VTI1A: variants seen among roughly 807,000 people sequenced by gnomAD.
VTI1A encodes the protein vesicle transport through interaction with t-SNAREs 1A.
A neutral mutation model predicts 34.9 loss-of-function variants in VTI1A; 22 were observed. That is an observed-to-expected ratio of 0.63 (90% CI 0.45 to 0.90). The LOEUF (loss-of-function observed/expected upper bound fraction) is 0.90. Among genes scored for constraint, VTI1A ranks in the 40% least tolerant of loss-of-function variants. The pLI is 0.00. For missense variants in VTI1A, 268 were observed against 275.6 expected, an observed-to-expected ratio of 0.97 and a Z score of 0.20; for synonymous variants, 87 against 97.3, an observed-to-expected ratio of 0.89 and a Z score of 0.62.
intron 7 of VTI1A, among the ~76,000 whole-genome samples, chr10:112,707,606 A>C (rs1469144447): frequency 6.6e-6 from 1 of 152,214 alleles, no homozygotes; most frequent in African/African-American, 2.4e-5. Context: ...TGCTGGGATT[A>C]CAGGCTTGAG....
rs917937538 is a variant in VTI1A, at chr10:112,489,759, C to G, written c.264+25102C>G. On this transcript the variant is annotated intron_variant, in intron 3 of 7. Coordinates refer to ENST00000393077, the MANE Select transcript of VTI1A (RefSeq NM_145206.4). ...CAAATATGGATAACCAAGAGGTTGA[C>G]TTACATGTTGAAAGGGAGCAGCTGA... 2.0e-5 allele frequency among the ~76,000 whole-genome samples: 3 copies of G among 152,134 alleles called. No homozygotes were observed. The East Asian group carries it at 5.8e-4, about 29-fold the overall frequency.
At chr10:112,582,159 G>A (rs1388336009) in intron 5 of VTI1A, among the ~76,000 whole-genome samples, 1 of 152,118 alleles carries the variant, frequency 6.6e-6, no homozygotes, top group Admixed American at 6.5e-5. Flanking sequence ...CTCTCTTCCT[G>A]GCTTGCAGAT....
chr10:112,618,773 T>C (rs538307803), intron 5 of VTI1A, among the ~76,000 whole-genome samples: 62 of 152,118 alleles, frequency 4.1e-4, no homozygotes, highest in African/African-American at 1.5e-3. Context: ...TAGGCAGATA[T>C]CTAATTATTG....
chr10:112,454,886 T>C (rs1847379282), intron 1 of VTI1A, among the ~76,000 whole-genome samples: 1 of 152,084 alleles, frequency 6.6e-6, no homozygotes, highest in Non-Finnish European at 1.5e-5. Flanking sequence ...TCTGATCTTA[T>C]TTAATGGCTT....
chr10:112,669,005 G>A lies in VTI1A; in HGVS notation c.560+7G>A, dbSNP rs1847748948. On this transcript the variant is annotated splice_region_variant and intron_variant, in intron 7 of 7. Coordinates refer to ENST00000393077, the MANE Select transcript of VTI1A (RefSeq NM_145206.4). ...TGACAGGGATGTTGCGAAGGTAAGAGCAAGGTAGGGACATATCTTTCTCTC... is the reference window on the plus strand; with the variant it reads ...TGACAGGGATGTTGCGAAGGTAAGAACAAGGTAGGGACATATCTTTCTCTC... 1 of 1,611,974 alleles carries A rather than the reference G, an allele frequency of 6.2e-7. No homozygotes were observed. The highest frequency in any genetic ancestry group is 1.7e-5 in the Admixed American group (1 of 59,952).
intron 1 of VTI1A, among the ~76,000 whole-genome samples, chr10:112,451,757 C>A (rs1847247846): frequency 6.6e-6 from 1 of 152,156 alleles, no homozygotes; most frequent in South Asian, 2.1e-4. Flanking sequence ...TTCTCTCTTG[C>A]CTTTGCAAGG....
Position 112,464,677 on chromosome 10 carries a change from T to A in VTI1A, c.264+20T>A, listed in dbSNP as rs1345387234. 3.8e-6 allele frequency: 6 copies of A among 1,598,456 alleles called. No individual in the cohort carries two copies. Among genetic ancestry groups the A allele is most frequent in the Middle Eastern group, 3.3e-4 (2 of 6,050 alleles). On this transcript the variant is annotated intron_variant, in intron 3 of 7. Coordinates refer to ENST00000393077, the MANE Select transcript of VTI1A (RefSeq NM_145206.4). ...GATTTTGTGAGTCAAATTCGACCCT[T>A]TGTCATATTTACTTTTTTTTAAAAA...
chr10:112,622,741 A>G (rs1043511675), intron 5 of VTI1A, among the ~76,000 whole-genome samples: 9 of 152,202 alleles, frequency 5.9e-5, no homozygotes, highest in Non-Finnish European at 1.3e-4. Flanking sequence ...CCAAATAGCT[A>G]TACTTTCCAG....
At position 112,760,366 on chromosome 10, in the gene VTI1A, G is replaced by A. The variant is rs188289301; in HGVS notation, c.561-54924G>A. 4.1e-5 allele frequency among the ~76,000 whole-genome samples: 6 copies of A among 148,034 alleles called. No homozygotes were observed. In the East Asian group the frequency reaches 8.2e-4, roughly 20 times the overall value. ...AACAATATACTGTAATAAAAATTCG[G>A]TGAATATGGTCTCTCTCTCTCTCTC... On this transcript the variant is annotated intron_variant, in intron 7 of 7. Coordinates refer to ENST00000393077, the MANE Select transcript of VTI1A (RefSeq NM_145206.4).
chr10:112,812,738 G>T (rs1397612354), intron 7 of VTI1A, among the ~76,000 whole-genome samples: 2 of 152,100 alleles, frequency 1.3e-5, no homozygotes, highest in African/African-American at 4.8e-5. Context: ...ATGTCTGCCA[G>T]CATTTGGTTT....
At chr10:112,777,422 G>A (rs1317978500) in intron 7 of VTI1A, among the ~76,000 whole-genome samples, 1 of 152,216 alleles carries the variant, frequency 6.6e-6, no homozygotes, top group Non-Finnish European at 1.5e-5. Flanking sequence ...CATCTCTTCA[G>A]GTGGGAGGAT....
intron 7 of VTI1A, among the ~76,000 whole-genome samples, chr10:112,678,041 G>A (rs1564879948): frequency 6.6e-6 from 1 of 152,126 alleles, no homozygotes; most frequent in Admixed American, 6.5e-5. Context: ...AACCCTGCGG[G>A]TTTTTATCTA....
At chr10:112,510,001 A>G (rs1292115831) in intron 3 of VTI1A, among the ~76,000 whole-genome samples, 1 of 152,216 alleles carries the variant, frequency 6.6e-6, no homozygotes, top group Non-Finnish European at 1.5e-5. Context: ...TTGCATATTT[A>G]TAGAACGCCA....
the VTI1A span, among the ~76,000 whole-genome samples, chr10:112,829,068 T>C: frequency 2.0e-5 from 3 of 152,158 alleles, no homozygotes; most frequent in African/African-American, 7.2e-5. Flanking sequence ...TGGTCGCTTA[T>C]GCTGGTTTGA....
At chr10:112,553,414 A>G (rs911013500) in intron 5 of VTI1A, among the ~76,000 whole-genome samples, 2 of 152,244 alleles carry the variant, frequency 1.3e-5, no homozygotes, top group Admixed American at 6.5e-5. Context: ...TAAACTATAT[A>G]AAACATCCAA....
chr10:112,482,201 A>T (rs1282608775), intron 3 of VTI1A, among the ~76,000 whole-genome samples: 1 of 152,196 alleles, frequency 6.6e-6, no homozygotes. Flanking sequence ...GTTTTTTAAC[A>T]TAATATATTG....
intron 7 of VTI1A, among the ~76,000 whole-genome samples, chr10:112,711,424 C>T (rs1173688927): frequency 1.3e-5 from 2 of 152,188 alleles, no homozygotes; most frequent in Non-Finnish European, 2.9e-5. Flanking sequence ...GTTTGTTTAG[C>T]ATGTTTTATT....
chr10:112,635,718 C>T (rs1846329047), intron 5 of VTI1A, among the ~76,000 whole-genome samples: 1 of 152,114 alleles, frequency 6.6e-6, no homozygotes, highest in Non-Finnish European at 1.5e-5. Flanking sequence ...TTTGAGAAAA[C>T]CCGATGACTG....
intron 5 of VTI1A, among the ~76,000 whole-genome samples, chr10:112,557,696 T>G (rs961982474): frequency 6.6e-6 from 1 of 152,206 alleles, no homozygotes; most frequent in African/African-American, 2.4e-5. Context: ...TTCAAAACAT[T>G]TCTCCACTAC....
Sources: allele counts gnomAD v4.1 joint callset (sites outside exome capture counted in the v4.1 genomes callset), GRCh38; gene constraint gnomAD v4.1.1; transcripts MANE v1.5; gene names NCBI Gene and HGNC (gene_info 2026-07-23, HGNC 2026-07-21).